Variants in SCMH1 observed in about 807,000 individuals in gnomAD.
The protein encoded by SCMH1 is polycomb protein SCMH1.
Under a neutral mutation model 70.8 loss-of-function variants are expected in SCMH1, and 37 were observed. The ratio of observed to expected loss-of-function variants is 0.52; its 90% CI spans 0.40 to 0.69. SCMH1 has a LOEUF of 0.69. Ranked by LOEUF, SCMH1 falls within the 30% of genes least tolerant of loss-of-function variation. SCMH1 has a pLI of 0.00. For missense variants in SCMH1, 607 were observed against 827.3 expected (o/e 0.73, Z 3.27); for synonymous variants, 292 against 307.4 (o/e 0.95, Z 0.52).
intron 10 of SCMH1, among the ~76,000 whole-genome samples, chr1:41,057,877 G>GT (rs1650987232): frequency 6.6e-6 from 1 of 152,120 alleles, no homozygotes; most frequent in African/African-American, 2.4e-5. Context: ...CTAGCACTTT[G>GT]TGGGGGGTCA....
chr1:41,214,512 A>G (rs1573127746), intron 1 of SCMH1, among the ~76,000 whole-genome samples: 1 of 152,116 alleles, frequency 6.6e-6, no homozygotes, highest in East Asian at 1.9e-4. Context: ...TCATTTCTAC[A>G]TTCTTTGAAA....
At chr1:41,239,916 T>C (rs1194076020) in intron 1 of SCMH1, among the ~76,000 whole-genome samples, 1 of 152,200 alleles carries the variant, frequency 6.6e-6, no homozygotes, top group African/African-American at 2.4e-5. Context: ...ATTATAGGCA[T>C]GAGCCCCTGC....
At chr1:41,177,282 G>A (rs1472776370) in intron 2 of SCMH1, among the ~76,000 whole-genome samples, 1 of 152,150 alleles carries the variant, frequency 6.6e-6, no homozygotes, top group Non-Finnish European at 1.5e-5. Flanking sequence ...AAACCACAAA[G>A]ATGGGGAAAA....
At chr1:41,046,363 G>A (rs1482201525) in intron 12 of SCMH1, 44 bp downstream of exon 12, 1 of 1,569,706 alleles carries the variant, frequency 6.4e-7, no homozygotes, top group South Asian at 1.1e-5. Context: ...GCTGCTGCTA[G>A]CCCTGTCCCC....
chr1:41,048,648 G>A (rs1173183262), intron 11 of SCMH1, 42 bp downstream of exon 11: 1 of 1,558,002 alleles, frequency 6.4e-7, no homozygotes, highest in Non-Finnish European at 8.8e-7. Flanking sequence ...GAGAAGGTGG[G>A]TCCTTCTGGC....
intron 8 of SCMH1, among the ~76,000 whole-genome samples, chr1:41,080,630 C>A (rs546314566): frequency 8.9e-4 from 135 of 152,134 alleles, no homozygotes; most frequent in African/African-American, 2.9e-3. Flanking sequence ...AAAATACAAT[C>A]CGCTGAACAC....
intron 7 of SCMH1, among the ~76,000 whole-genome samples, chr1:41,114,506 A>C (rs967446185): frequency 1.3e-5 from 2 of 152,154 alleles, no homozygotes; most frequent in African/African-American, 4.8e-5. Flanking sequence ...AATTTCAATC[A>C]GTTTTTTCGA....
At chr1:41,160,780 G>T in intron 4 of SCMH1, 95 bp downstream of exon 4, 1 of 1,148,094 alleles carries the variant, frequency 8.7e-7, no homozygotes, top group Non-Finnish European at 1.3e-6. Flanking sequence ...AGAGACACGT[G>T]GAATTCTTTT....
At position 41,152,809 on chromosome 1, in the gene SCMH1, C is replaced by T; in HGVS notation, c.107-1125G>A. Reference sequence around the variant, plus strand: ...CTCCAAAGATGATGCCAAGACTTTACACTCTATTTATTTTATAGCTTCTGT... The same window carrying T: ...CTCCAAAGATGATGCCAAGACTTTATACTCTATTTATTTTATAGCTTCTGT... On this transcript the variant is annotated intron_variant, in intron 4 of 14. Transcript: ENST00000337495. 3 of 1,402,786 alleles carry T rather than the reference C, an allele frequency of 2.1e-6. No homozygotes were observed. The East Asian group carries it at 7.5e-5, about 35-fold the overall frequency. The allele number at this position is 1,402,786 out of a possible 1,614,324, so 86.9% of individuals were successfully genotyped here.
intron 10 of SCMH1, among the ~76,000 whole-genome samples, chr1:41,070,268 C>T (rs546363366): frequency 6.6e-6 from 1 of 151,774 alleles, no homozygotes; most frequent in South Asian, 2.1e-4. Context: ...AAGGGTGGCA[C>T]CATTACTGAA....
At chr1:41,208,452 A>T (rs1176651997) in intron 1 of SCMH1, among the ~76,000 whole-genome samples, 20 of 151,590 alleles carry the variant, frequency 1.3e-4, no homozygotes, top group Middle Eastern at 3.4e-3. Flanking sequence ...AAAAAATAAA[A>T]AATAAAAGTG....
intron 5 of SCMH1, among the ~76,000 whole-genome samples, chr1:41,151,234 A>G (rs936535951): frequency 5.9e-5 from 9 of 152,314 alleles, no homozygotes; most frequent in Admixed American, 1.3e-4. Context: ...TTGTAGAAAG[A>G]TAAGATTGTG....
At chr1:41,083,114 G>A (rs1198538010) in intron 8 of SCMH1, among the ~76,000 whole-genome samples, 2 of 152,200 alleles carry the variant, frequency 1.3e-5, no homozygotes, top group Non-Finnish European at 2.9e-5. Flanking sequence ...AGTGTTGGAA[G>A]TTCTGGCCAG....
intron 1 of SCMH1, among the ~76,000 whole-genome samples, chr1:41,186,939 T>C (rs1650376746): frequency 6.6e-6 from 1 of 152,208 alleles, no homozygotes; most frequent in African/African-American, 2.4e-5. Flanking sequence ...TATTCTGTTA[T>C]GGCACCCCAA....
At chr1:41,213,265 A>G (rs370207436) in intron 1 of SCMH1, among the ~76,000 whole-genome samples, 3 of 152,366 alleles carry the variant, frequency 2.0e-5, no homozygotes, top group Non-Finnish European at 4.4e-5. Context: ...GGGAAGACAC[A>G]TAGATATGTG....
intron 8 of SCMH1, among the ~76,000 whole-genome samples, chr1:41,090,329 T>C (rs958478360): frequency 6.6e-6 from 1 of 152,204 alleles, no homozygotes; most frequent in African/African-American, 2.4e-5. Context: ...CATTATTTTA[T>C]ATTTTTGCAA....
chr1:41,152,197 T>C (rs1218365677), intron 4 of SCMH1, among the ~76,000 whole-genome samples: 1 of 152,194 alleles, frequency 6.6e-6, no homozygotes, highest in African/African-American at 2.4e-5. Flanking sequence ...GGAAGCCAGA[T>C]GAGTGAGATT....
In SCMH1 at chr1:41,161,598, C is replaced by A. The variant is rs1295795977; in HGVS notation, c.14-166G>T. ...CAAGAAAAAGGTTTTATGTAAAAAG[C>A]CTTGGCATTGTTTACAATAACAAAA... On this transcript the variant is annotated intron_variant, in intron 2 of 14. Coordinates refer to ENST00000337495, the Ensembl canonical transcript of SCMH1. The A allele has an allele frequency of 1.1e-5, 8 of 715,238 alleles. No individual in the cohort carries two copies. The South Asian group carries it at 2.7e-4, about 24-fold the overall frequency. The allele number at this position is 715,238 out of a possible 1,614,324, so 44.3% of individuals were successfully genotyped here.
At chr1:41,162,098 T>C (rs1043963628) in intron 2 of SCMH1, among the ~76,000 whole-genome samples, 4 of 151,936 alleles carry the variant, frequency 2.6e-5, no homozygotes, top group African/African-American at 9.7e-5. Flanking sequence ...TCCTGCTCCA[T>C]GGAACAGGCA....
Sources: allele counts gnomAD v4.1 joint callset (sites outside exome capture counted in the v4.1 genomes callset), GRCh38; gene constraint gnomAD v4.1.1; transcripts MANE v1.5; gene names NCBI Gene and HGNC (gene_info 2026-07-23, HGNC 2026-07-21).